VPS13B: variants seen among roughly 807,000 people sequenced by gnomAD.
VPS13B encodes the protein vacuolar protein sorting 13 homolog B, also known as intermembrane lipid transfer protein VPS13B.
In VPS13B, 285 loss-of-function variants were observed where a neutral mutation model predicts 426.4. The observed-to-expected ratio is 0.67, with a 90% CI of 0.61 to 0.74. The LOEUF is 0.74. Among genes scored for constraint, VPS13B ranks in the 30% least tolerant of loss-of-function variants. The pLI is 0.00. For missense variants in VPS13B, 4,537 were observed against 4,782.6 expected (o/e 0.95, Z 1.51); for synonymous variants, 1,676 against 1,676.4 (o/e 1.00, Z 0.01).
intron 21 of VPS13B, among the ~76,000 whole-genome samples, chr8:99,416,028 T>C (rs1030004498): frequency 3.9e-5 from 6 of 152,234 alleles, no homozygotes; most frequent in African/African-American, 1.4e-4. Context: ...CGCACCTTCC[T>C]GCAGGTGCTC....
chr8:99,458,214 A>G (rs1440867551), intron 23 of VPS13B, among the ~76,000 whole-genome samples: 5 of 152,124 alleles, frequency 3.3e-5, no homozygotes, highest in African/African-American at 9.7e-5. Flanking sequence ...GATGGTTTCC[A>G]GCTTCATCCA....
chr8:99,753,648 G>T (rs182584074), intron 39 of VPS13B, among the ~76,000 whole-genome samples: 1 of 152,080 alleles, frequency 6.6e-6, no homozygotes, highest in Admixed American at 6.6e-5. Flanking sequence ...TTGATAAATC[G>T]ATAAGATAAC....
chr8:99,121,734 G>A, intron 8 of VPS13B: 1 of 550,752 alleles, frequency 1.8e-6, no homozygotes, highest in Non-Finnish European at 2.5e-6. Flanking sequence ...CCTTAATATT[G>A]TCATTAAAAA....
At chr8:99,696,646 T>C in intron 35 of VPS13B, 1 of 704,604 alleles carries the variant, frequency 1.4e-6, no homozygotes, top group Non-Finnish European at 2.7e-6. Flanking sequence ...CTGGCAGAGT[T>C]CCTCCAGGAC....
chr8:99,675,853 T>G (rs543233594), intron 35 of VPS13B, among the ~76,000 whole-genome samples: 3 of 152,168 alleles, frequency 2.0e-5, no homozygotes, highest in Non-Finnish European at 4.4e-5. Context: ...TTTCTTATGT[T>G]GTTGAATTGT....
chr8:99,745,717 A>G (rs1265592151), intron 39 of VPS13B, among the ~76,000 whole-genome samples: 2 of 152,104 alleles, frequency 1.3e-5, no homozygotes, highest in Non-Finnish European at 2.9e-5. Context: ...TTAGTGTAAT[A>G]AACTCTGAGT....
intron 23 of VPS13B, among the ~76,000 whole-genome samples, chr8:99,458,526 G>C (rs1405047331): frequency 7.9e-5 from 12 of 152,132 alleles, no homozygotes; most frequent in Middle Eastern, 6.8e-3. Flanking sequence ...CTAGTTTACA[G>C]TCCCACCAAC....
intron 41 of VPS13B, among the ~76,000 whole-genome samples, chr8:99,778,295 A>G (rs1208024718): frequency 1.3e-5 from 2 of 151,890 alleles, no homozygotes; most frequent in Non-Finnish European, 2.9e-5. Context: ...ATGGAGTTTA[A>G]CCTGCTTTCT....
rs1847918281 is a variant in VPS13B at position 99,121,224 on chromosome 8, A to G, written c.985A>G (p.Lys329Glu). ...AGATATGCAATATCCTGCTCAGCAT[A>G]AAGGTCAAGAGTTATATTCACAGCA... ...RIDMQYPAQH[K>E]GQELYSQQDE... Residue 329 changes from lysine (K) to glutamate (E), a missense_variant, in exon 8 of 62, where the codon AAA (lysine) becomes GAA (glutamate). Coordinates refer to ENST00000357162, the MANE Select transcript of VPS13B (RefSeq NM_152564.5). The G allele has an allele frequency of 1.9e-6, 3 of 1,614,078 alleles. No individual in the cohort carries two copies. Among genetic ancestry groups the G allele is most frequent in the East Asian group, 2.2e-5 (1 of 44,872 alleles).
chr8:99,276,353 A>C (rs961008592), intron 19 of VPS13B, among the ~76,000 whole-genome samples: 2 of 152,178 alleles, frequency 1.3e-5, no homozygotes, highest in Non-Finnish European at 2.9e-5. Flanking sequence ...CAGCCTGGTA[A>C]GAATGGGTAC....
chr8:99,216,939 G>T (rs1378691383), intron 17 of VPS13B, among the ~76,000 whole-genome samples: 1 of 152,060 alleles, frequency 6.6e-6, no homozygotes, highest in African/African-American at 2.4e-5. Flanking sequence ...ACCTTAGTGT[G>T]TGGTCCTACA....
At chr8:99,217,323 G>A (rs561486842) in intron 17 of VPS13B, among the ~76,000 whole-genome samples, 2 of 152,124 alleles carry the variant, frequency 1.3e-5, no homozygotes, top group Non-Finnish European at 2.9e-5. Context: ...TAACAGATGA[G>A]GAAACTGGGG....
intron 10 of VPS13B, 37 bp downstream of exon 10, chr8:99,135,174 A>AT: frequency 6.2e-7 from 1 of 1,611,526 alleles, no homozygotes; most frequent in Non-Finnish European, 8.5e-7. Flanking sequence ...TGGATAGGAT[A>AT]TAGGAATAAT....
intron 19 of VPS13B, among the ~76,000 whole-genome samples, chr8:99,345,469 T>C (rs1196559677): frequency 6.6e-6 from 1 of 152,206 alleles, no homozygotes. Flanking sequence ...GGAATGAGTT[T>C]GGTGGTATTT....
At chr8:99,367,304 A>G (rs1434171461) in intron 19 of VPS13B, among the ~76,000 whole-genome samples, 1 of 152,166 alleles carries the variant, frequency 6.6e-6, no homozygotes, top group Admixed American at 6.5e-5. Flanking sequence ...TCCCTTCAGA[A>G]CTTTAAATAT....
At chr8:99,721,360 A>G (rs748084055) in intron 39 of VPS13B, among the ~76,000 whole-genome samples, 10 of 152,304 alleles carry the variant, frequency 6.6e-5, no homozygotes, top group Admixed American at 2.0e-4. Context: ...TTAAGTGCCT[A>G]TCATGTGTTC....
chr8:99,202,072 C>A (rs532203773), intron 17 of VPS13B, among the ~76,000 whole-genome samples: 62 of 152,228 alleles, frequency 4.1e-4, no homozygotes, highest in African/African-American at 1.5e-3. Flanking sequence ...AAGATATTAC[C>A]TATGGAAGTT....
At chr8:99,450,618 C>T (rs1818144839) in intron 23 of VPS13B, among the ~76,000 whole-genome samples, 1 of 152,144 alleles carries the variant, frequency 6.6e-6, no homozygotes, top group African/African-American at 2.4e-5. Context: ...GAGGCTGATG[C>T]AGGAGAATCG....
intron 35 of VPS13B, among the ~76,000 whole-genome samples, chr8:99,686,237 C>G (rs1451760115): frequency 6.6e-6 from 1 of 152,154 alleles, no homozygotes; most frequent in Non-Finnish European, 1.5e-5. Flanking sequence ...ACTGAGCTGC[C>G]TGGAGCTGGG....
Sources: gnomAD v4.1 joint callset for allele counts (sites outside exome capture counted in the v4.1 genomes callset) on GRCh38, gnomAD v4.1.1 for gene constraint, MANE v1.5 for transcripts, NCBI Gene and HGNC (gene_info 2026-07-23, HGNC 2026-07-21) for gene names.